CA10: variants seen among roughly 807,000 people sequenced by gnomAD.
CA10 encodes the protein carbonic anhydrase 10 (inactive), also known as carbonic anhydrase-related protein 10.
Under a neutral mutation model 44.2 loss-of-function variants are expected in CA10, and 14 were observed. The observed-to-expected ratio is 0.32, with a 90% CI of 0.21 to 0.50. The LOEUF (loss-of-function observed/expected upper bound fraction) is 0.50, where lower values mean the gene tolerates loss of function less well. Ranked by LOEUF, CA10 falls within the 20% of genes least tolerant of loss-of-function variation. The pLI, the probability that CA10 is intolerant of heterozygous loss-of-function variation, is 0.99. For synonymous variants in CA10, 159 were observed against 141.6 expected, an observed-to-expected ratio of 1.12 and a Z score of -0.87; for missense variants, 350 against 409.7, an observed-to-expected ratio of 0.85 and a Z score of 1.26.
chr17:51,912,201 A>G (rs1156390991), intron 3 of CA10, among the ~76,000 whole-genome samples: 2 of 152,190 alleles, frequency 1.3e-5, no homozygotes, highest in African/African-American at 4.8e-5. Flanking sequence ...GCCTCTACTG[A>G]CATAATTTCA....
intron 3 of CA10, among the ~76,000 whole-genome samples, chr17:51,896,446 A>G (rs1981072126): frequency 6.6e-6 from 1 of 151,864 alleles, no homozygotes; most frequent in African/African-American, 2.4e-5. Context: ...CTGTGAACCA[A>G]GGTGTATAAG....
chr17:51,926,512 G>A (rs1982436338), intron 3 of CA10, among the ~76,000 whole-genome samples: 1 of 152,082 alleles, frequency 6.6e-6, no homozygotes. Context: ...TTATATTTGG[G>A]GAGTTAGAAA....
intron 2 of CA10, among the ~76,000 whole-genome samples, chr17:52,062,454 T>C (rs950123584): frequency 3.3e-5 from 5 of 152,144 alleles, no homozygotes; most frequent in Non-Finnish European, 7.4e-5. Flanking sequence ...GGGAGTCAGG[T>C]GCAAAGAGTC....
intron 3 of CA10, among the ~76,000 whole-genome samples, chr17:51,889,325 T>C (rs1980752437): frequency 6.6e-6 from 1 of 152,068 alleles, no homozygotes; most frequent in South Asian, 2.1e-4. Context: ...AGCTCAACAC[T>C]AGCCTGGGCA....
intron 3 of CA10, among the ~76,000 whole-genome samples, chr17:51,815,567 T>TG (rs1371375042): frequency 6.6e-6 from 1 of 152,092 alleles, no homozygotes; most frequent in Non-Finnish European, 1.5e-5. Flanking sequence ...GGTGAAATGA[T>TG]CAGGCCCCTA....
intron 3 of CA10, among the ~76,000 whole-genome samples, chr17:51,885,348 C>A (rs1016716988): frequency 1.3e-5 from 2 of 152,148 alleles, no homozygotes; most frequent in African/African-American, 4.8e-5. Flanking sequence ...ACAAACTGGG[C>A]CTCACTGAAG....
chr17:52,108,203 TA>T lies in CA10; in HGVS notation c.62-35811del, dbSNP rs1488266365. 1.4e-3 allele frequency among the ~76,000 whole-genome samples: 30 copies of T among 20,908 alleles called. No individual in the cohort carries two copies. The Admixed American group carries it at 0.019, about 13-fold the overall frequency. 13.7% of individuals were successfully genotyped at this position (20,908 alleles called of 152,430 possible). ...TTTATATATATATTTTTTATATATATATATATATATATATATATATATAATA... is the reference window on the plus strand; with the variant it reads ...TTTATATATATATTTTTTATATATATTATATATATATATATATATATAATA... On this transcript the variant is annotated intron_variant, in intron 1 of 8. Transcript: ENST00000451037.
rs184449560 is a variant in CA10, at chr17:51,737,195, G to C, written c.465+10438C>G. Among the ~76,000 whole-genome samples, 630 of 152,284 alleles carry C rather than the reference G, an allele frequency of 4.1e-3. 1 individual carries two copies. The highest frequency in any genetic ancestry group is 6.9e-3 in the Non-Finnish European group (467 of 68,018). On this transcript the variant is annotated intron_variant, in intron 4 of 8. Coordinates refer to ENST00000451037, the MANE Select transcript of CA10 (RefSeq NM_020178.5). Reference sequence around the variant, plus strand: ...TGGACCAACCATGCAACTGAAAGCAGGTTCTTTAACCTCTCGAGGTTTCTG... The same window carrying C: ...TGGACCAACCATGCAACTGAAAGCACGTTCTTTAACCTCTCGAGGTTTCTG...
At chr17:51,968,432 G>A (rs1166379368) in intron 2 of CA10, among the ~76,000 whole-genome samples, 1 of 151,884 alleles carries the variant, frequency 6.6e-6, no homozygotes, top group African/African-American at 2.4e-5. Context: ...CACCATGAAT[G>A]AATCTCAAAT....
chr17:51,771,039 G>T (rs4318254), intron 3 of CA10, among the ~76,000 whole-genome samples: 32,604 of 147,822 alleles, frequency 0.22, 3,884 homozygotes, highest in Middle Eastern at 0.37. Context: ...CAGGAGAATC[G>T]CTTGAACCCA....
chr17:52,018,248 T>G (rs1261269400), intron 2 of CA10, among the ~76,000 whole-genome samples: 1 of 152,140 alleles, frequency 6.6e-6, no homozygotes, highest in African/African-American at 2.4e-5. Context: ...GGAAGGGTCA[T>G]GCTGCCCTTC....
chr17:51,815,719 C>T (rs186401528), intron 3 of CA10, among the ~76,000 whole-genome samples: 15 of 152,170 alleles, frequency 9.9e-5, no homozygotes, highest in Non-Finnish European at 1.6e-4. Context: ...TCAGTGGATA[C>T]TGGAATTTGA....
intron 2 of CA10, among the ~76,000 whole-genome samples, chr17:51,972,340 TA>T (rs1281173299): frequency 6.6e-6 from 1 of 151,592 alleles, no homozygotes; most frequent in Admixed American, 6.6e-5. Flanking sequence ...TCTTTATTTT[TA>T]GATTCCATAT....
chr17:51,905,773 G>T (rs542209640), intron 3 of CA10, among the ~76,000 whole-genome samples: 2 of 151,914 alleles, frequency 1.3e-5, no homozygotes, highest in East Asian at 3.9e-4. Context: ...CACATTCAGG[G>T]CTAGCTATTT....
chr17:51,642,729 G>T (rs7222330), intron 6 of CA10, among the ~76,000 whole-genome samples: 1 of 151,730 alleles, frequency 6.6e-6, no homozygotes, highest in Non-Finnish European at 1.5e-5. Context: ...TGTAACCTCC[G>T]CCTCCCAAGT....
chr17:51,920,631 T>C (rs191743694), intron 3 of CA10, among the ~76,000 whole-genome samples: 1 of 152,100 alleles, frequency 6.6e-6, no homozygotes, highest in Non-Finnish European at 1.5e-5. Context: ...TTCTGGATGA[T>C]GTCAAGAGGT....
At chr17:52,100,251 C>T (rs1988506382) in intron 1 of CA10, among the ~76,000 whole-genome samples, 1 of 152,080 alleles carries the variant, frequency 6.6e-6, no homozygotes, top group Non-Finnish European at 1.5e-5. Flanking sequence ...GGGATCCAGA[C>T]CAAAGCATTA....
intron 1 of CA10, among the ~76,000 whole-genome samples, chr17:52,120,438 C>G (rs1448330144): frequency 7.1e-6 from 1 of 140,284 alleles, no homozygotes; most frequent in Non-Finnish European, 1.5e-5. Context: ...TTATCCTTAT[C>G]CTTATCCTTA....
chr17:51,756,686 C>T (rs934367518), intron 3 of CA10, among the ~76,000 whole-genome samples: 27 of 151,922 alleles, frequency 1.8e-4, no homozygotes, highest in Non-Finnish European at 3.5e-4. Context: ...CCGTGTTAGC[C>T]AGGATGGTCT....
Sources: gnomAD v4.1 joint callset for allele counts (sites outside exome capture counted in the v4.1 genomes callset) on GRCh38, gnomAD v4.1.1 for gene constraint, MANE v1.5 for transcripts, NCBI Gene and HGNC (gene_info 2026-07-23, HGNC 2026-07-21) for gene names.